CTNNA2: variants seen among roughly 807,000 people sequenced by gnomAD.
The protein encoded by CTNNA2 is catenin alpha-2.
In CTNNA2, 42 loss-of-function variants were observed where a neutral mutation model predicts 101.0. That is an observed-to-expected ratio of 0.42 (90% CI 0.32 to 0.54). The LOEUF is 0.54. Ranked by LOEUF, CTNNA2 falls within the 20% of genes least tolerant of loss-of-function variation. The pLI is 0.14. For missense variants in CTNNA2, 871 were observed against 1,223.1 expected, an observed-to-expected ratio of 0.71 and a Z score of 4.29; for synonymous variants, 450 against 456.4, an observed-to-expected ratio of 0.99 and a Z score of 0.18.
chr2:80,367,344 G>A (rs1426067482), intron 7 of CTNNA2, among the ~76,000 whole-genome samples: 2 of 152,054 alleles, frequency 1.3e-5, no homozygotes, highest in Non-Finnish European at 2.9e-5. Context: ...TGTAACCACA[G>A]GCAAATTTCT....
intron 4 of CTNNA2, among the ~76,000 whole-genome samples, chr2:79,463,352 G>A (rs1256588391): frequency 1.4e-5 from 2 of 147,302 alleles, no homozygotes; most frequent in Non-Finnish European, 3.0e-5. Context: ...AGGCTGCAGT[G>A]AGCCAAGATC....
chr2:79,963,404 G>A (rs1249197018), intron 7 of CTNNA2, among the ~76,000 whole-genome samples: 2 of 152,194 alleles, frequency 1.3e-5, no homozygotes. Flanking sequence ...CTAAACCAGG[G>A]TAGACAAATA....
At chr2:80,093,464 T>C (rs1699923805) in intron 7 of CTNNA2, among the ~76,000 whole-genome samples, 1 of 152,218 alleles carries the variant, frequency 6.6e-6, no homozygotes, top group Non-Finnish European at 1.5e-5. Context: ...GCAATAAACA[T>C]ACGTGTGTAT....
chr2:79,848,482 C>T (rs1286895406), intron 3 of CTNNA2, among the ~76,000 whole-genome samples: 1 of 152,108 alleles, frequency 6.6e-6, no homozygotes, highest in Non-Finnish European at 1.5e-5. Context: ...GTGAAGTATG[C>T]CATATTGCGG....
chr2:79,373,829 A>C lies in CTNNA2; in HGVS notation c.-317-2A>C, dbSNP rs1256318799. 4 of 152,126 alleles carry C rather than the reference A, an allele frequency of 2.6e-5. No homozygotes were observed. In the South Asian group the frequency reaches 8.3e-4, roughly 32 times the overall value. The allele number at this position is 152,126 out of a possible 1,614,324, so 9.4% of individuals were successfully genotyped here. On this transcript the variant is annotated splice_acceptor_variant, in intron 3 of 21. Coordinates refer to the CTNNA2 transcript ENST00000466387. LOFTEE classifies it low-confidence loss of function (5UTR_SPLICE). ...TATGAGTGTTAAATCTCCATCTTAC[A>C]GATAAGAAAATTGAGACTCAGAGCA...
intron 2 of CTNNA2, among the ~76,000 whole-genome samples, chr2:79,666,218 C>T (rs1286198202): frequency 6.6e-6 from 1 of 152,094 alleles, no homozygotes; most frequent in Non-Finnish European, 1.5e-5. Context: ...AAAACAGGCT[C>T]TGTAATTTAA....
intron 7 of CTNNA2, among the ~76,000 whole-genome samples, chr2:79,914,582 C>T (rs904306134): frequency 6.6e-6 from 1 of 151,822 alleles, no homozygotes; most frequent in African/African-American, 2.4e-5. Context: ...CTCTGTGTAG[C>T]TCGAATTTTT....
intron 1 of CTNNA2, among the ~76,000 whole-genome samples, chr2:79,517,401 T>C (rs1282139401): frequency 6.6e-6 from 1 of 152,204 alleles, no homozygotes; most frequent in East Asian, 1.9e-4. Context: ...TTCTGTTTTG[T>C]AGTTCAAATA....
chr2:80,379,003 G>C (rs1676257076), intron 7 of CTNNA2, among the ~76,000 whole-genome samples: 1 of 152,066 alleles, frequency 6.6e-6, no homozygotes, highest in Non-Finnish European at 1.5e-5. Flanking sequence ...TGGGATTTAG[G>C]AGATTATTAT....
intron 16 of CTNNA2, among the ~76,000 whole-genome samples, 190 bp from the exon 17 acceptor site, chr2:80,607,994 T>A (rs1698164394): frequency 6.6e-6 from 1 of 151,876 alleles, no homozygotes; most frequent in African/African-American, 2.4e-5. Flanking sequence ...TAAAATTTTA[T>A]TAAAGTAGAG....
intron 2 of CTNNA2, among the ~76,000 whole-genome samples, chr2:79,211,929 G>A (rs1240987542): frequency 6.6e-6 from 1 of 152,146 alleles, no homozygotes; most frequent in African/African-American, 2.4e-5. Context: ...TTAAACTGAA[G>A]GAAGATTTTG....
chr2:80,115,621 T>G (rs1225290594), intron 7 of CTNNA2, among the ~76,000 whole-genome samples: 1 of 152,148 alleles, frequency 6.6e-6, no homozygotes, highest in Non-Finnish European at 1.5e-5. Flanking sequence ...CTGTTGCTCA[T>G]GAATAACGTG....
chr2:79,489,772 C>T (rs969427237), intron 4 of CTNNA2, among the ~76,000 whole-genome samples: 43 of 152,198 alleles, frequency 2.8e-4, no homozygotes, highest in African/African-American at 4.8e-4. Flanking sequence ...TGTAGTATAA[C>T]GCAATTTCTC....
chr2:79,958,997 G>A (rs1278113957), intron 7 of CTNNA2, among the ~76,000 whole-genome samples: 1 of 152,120 alleles, frequency 6.6e-6, no homozygotes, highest in Non-Finnish European at 1.5e-5. Context: ...AAATTCGCAA[G>A]GATGTATTAA....
At chr2:79,568,878 A>T (rs1675287407) in intron 1 of CTNNA2, among the ~76,000 whole-genome samples, 1 of 148,024 alleles carries the variant, frequency 6.8e-6, no homozygotes. Context: ...AAAAAAAAAA[A>T]AAAAAAAAAG....
intron 3 of CTNNA2, among the ~76,000 whole-genome samples, chr2:79,335,811 G>A (rs1558632610): frequency 6.6e-6 from 1 of 152,152 alleles, no homozygotes; most frequent in Non-Finnish European, 1.5e-5. Context: ...AGGAAAAGAG[G>A]AAGTAAATTC....
chr2:79,797,501 A>T (rs1675810833), intron 3 of CTNNA2, among the ~76,000 whole-genome samples: 1 of 151,950 alleles, frequency 6.6e-6, no homozygotes, highest in African/African-American at 2.4e-5. Context: ...TCTACTAAAA[A>T]TATAAAAAAA....
chr2:80,534,724 G>C (rs1348431644), intron 9 of CTNNA2, among the ~76,000 whole-genome samples: 4 of 152,140 alleles, frequency 2.6e-5, no homozygotes, highest in Non-Finnish European at 4.4e-5. Context: ...TGCAATGCTG[G>C]TAGCACTGGA....
intron 2 of CTNNA2, among the ~76,000 whole-genome samples, chr2:79,738,409 G>A (rs1005982667): frequency 6.6e-6 from 1 of 152,176 alleles, no homozygotes; most frequent in Non-Finnish European, 1.5e-5. Flanking sequence ...GGAGGACGTT[G>A]AAGATTTAGC....
Sources: gnomAD v4.1 joint callset for allele counts (sites outside exome capture counted in the v4.1 genomes callset) on GRCh38, gnomAD v4.1.1 for gene constraint, MANE v1.5 for transcripts, NCBI Gene and HGNC (gene_info 2026-07-23, HGNC 2026-07-21) for gene names.